Variants in IGSF21 observed in about 807,000 individuals in gnomAD.
IGSF21 encodes the protein immunoglobulin superfamily member 21.
IGSF21 carries 28 observed loss-of-function variants against 46.8 expected under a neutral mutation model. The observed-to-expected ratio is 0.60, with a 90% CI of 0.44 to 0.82. The LOEUF (loss-of-function observed/expected upper bound fraction) is 0.82, where lower values mean the gene tolerates loss of function less well. Among genes scored for constraint, IGSF21 ranks in the 40% least tolerant of loss-of-function variants. The probability of loss-of-function intolerance (pLI) is 0.00; values close to 1 mark genes in which losing one functional copy is unlikely to be tolerated. For synonymous variants in IGSF21, 284 were observed against 273.6 expected (o/e 1.04, Z -0.38); for missense variants, 624 against 665.5 (o/e 0.94, Z 0.69).
At chr1:18,368,048 G>A (rs2086185646) in intron 6 of IGSF21, among the ~76,000 whole-genome samples, 1 of 152,082 alleles carries the variant, frequency 6.6e-6, no homozygotes, top group Non-Finnish European at 1.5e-5. Context: ...CCATGTCACA[G>A]AGGAGGAAGC....
At chr1:18,241,686 A>G (rs538816374) in intron 2 of IGSF21, among the ~76,000 whole-genome samples, 4 of 151,940 alleles carry the variant, frequency 2.6e-5, no homozygotes, top group South Asian at 4.2e-4. Context: ...CCTTCCTCCC[A>G]TCTCCCTCAT....
chr1:18,162,209 C>CATTTTTT (rs1256285441), intron 1 of IGSF21, among the ~76,000 whole-genome samples: 1 of 152,042 alleles, frequency 6.6e-6, no homozygotes, highest in Non-Finnish European at 1.5e-5. Context: ...CCACATGTGC[C>CATTTTTT]TGTATTTTTG....
intron 1 of IGSF21, among the ~76,000 whole-genome samples, chr1:18,211,587 C>T (rs1050371227): frequency 1.3e-5 from 2 of 152,164 alleles, no homozygotes; most frequent in African/African-American, 2.4e-5. Context: ...CTGAGCCCAG[C>T]AATTAATTCG....
chr1:18,246,654 A>G (rs1475725973), intron 2 of IGSF21, among the ~76,000 whole-genome samples: 2 of 152,110 alleles, frequency 1.3e-5, no homozygotes, highest in Non-Finnish European at 2.9e-5. Context: ...TCCAAACTCC[A>G]TGCTTGGGAC....
intron 2 of IGSF21, among the ~76,000 whole-genome samples, chr1:18,247,211 C>G (rs1324554270): frequency 1.3e-5 from 2 of 152,104 alleles, no homozygotes; most frequent in Non-Finnish European, 2.9e-5. Context: ...GGGATGTGAA[C>G]CTTCCACTTC....
intron 1 of IGSF21, among the ~76,000 whole-genome samples, chr1:18,208,936 A>G (rs1353872668): frequency 6.6e-6 from 1 of 152,174 alleles, no homozygotes; most frequent in Admixed American, 6.5e-5. Context: ...ATACTGCAGG[A>G]TTCCAGGTAT....
In IGSF21 at chr1:18,222,254, G is replaced by A. The variant is rs147026190; in HGVS notation, c.71-5644G>A. On this transcript the variant is annotated intron_variant, in intron 1 of 9. Transcript: ENST00000251296. Reference sequence around the variant, plus strand: ...TCTCTAGTTTTATGTCCTCTGCCTCGGGGGAGGATCTCACTTTGTGGGTCT... The same window carrying A: ...TCTCTAGTTTTATGTCCTCTGCCTCAGGGGAGGATCTCACTTTGTGGGTCT... Among the ~76,000 whole-genome samples, 179 of 152,232 alleles carry A rather than the reference G, an allele frequency of 1.2e-3. 1 individual carries two copies. Among genetic ancestry groups the A allele is most frequent in the African/African-American group, 4.1e-3 (172 of 41,530 alleles).
intron 1 of IGSF21, among the ~76,000 whole-genome samples, chr1:18,148,148 T>TTTTGG (rs2086487593): frequency 6.7e-6 from 1 of 148,672 alleles, no homozygotes; most frequent in Non-Finnish European, 1.5e-5. Context: ...TTTTTTTTTT[T>TTTTGG]GAGATGGAGT....
intron 1 of IGSF21, among the ~76,000 whole-genome samples, chr1:18,127,882 C>T (rs964132551): frequency 6.6e-6 from 1 of 152,096 alleles, no homozygotes; most frequent in African/African-American, 2.4e-5. Flanking sequence ...GCACTCCAGC[C>T]TGGGTGACGT....
rs147482777 is a variant in IGSF21, at chr1:18,178,200, G to A, written c.71-49698G>A. On this transcript the variant is annotated intron_variant, in intron 1 of 9. Coordinates refer to ENST00000251296, the MANE Select transcript of IGSF21 (RefSeq NM_032880.5). ...CTCCATCGTGTCCTGTTGACCTGCCGCAGGCCAGCCCCAAAATGCATACAG... is the reference window on the plus strand; with the variant it reads ...CTCCATCGTGTCCTGTTGACCTGCCACAGGCCAGCCCCAAAATGCATACAG... Among the ~76,000 whole-genome samples the A allele has an allele frequency of 5.0e-4, 76 of 152,258 alleles. No individual in the cohort carries two copies. The East Asian group carries it at 0.011, about 23-fold the overall frequency.
intron 2 of IGSF21, among the ~76,000 whole-genome samples, chr1:18,264,001 A>C (rs1049855843): frequency 6.6e-6 from 1 of 152,256 alleles, no homozygotes; most frequent in Non-Finnish European, 1.5e-5. Context: ...TTCCCTGGAA[A>C]GTGACAGATA....
chr1:18,251,676 G>C (rs2084843368), intron 2 of IGSF21, among the ~76,000 whole-genome samples: 1 of 152,166 alleles, frequency 6.6e-6, no homozygotes, highest in South Asian at 2.1e-4. Context: ...CCCAGGAAGA[G>C]GATAATGAAA....
chr1:18,126,448 G>C (rs2086275127), intron 1 of IGSF21, among the ~76,000 whole-genome samples: 1 of 152,214 alleles, frequency 6.6e-6, no homozygotes, highest in South Asian at 2.1e-4. Flanking sequence ...CAGGTCATCA[G>C]CAGGAGGGGG....
At chr1:18,208,648 C>T (rs993127641) in intron 1 of IGSF21, among the ~76,000 whole-genome samples, 18 of 149,664 alleles carry the variant, frequency 1.2e-4, no homozygotes, top group African/African-American at 2.2e-4. Flanking sequence ...CCGCCCGCCT[C>T]GGCCTCCCAA....
intron 3 of IGSF21, among the ~76,000 whole-genome samples, chr1:18,300,663 G>A (rs1237208512): frequency 6.6e-6 from 1 of 152,208 alleles, no homozygotes; most frequent in Non-Finnish European, 1.5e-5. Context: ...CAGGAAGTGA[G>A]GCCTTGCCTG....
chr1:18,268,313 G>C (rs937651174), intron 2 of IGSF21, among the ~76,000 whole-genome samples: 1 of 152,222 alleles, frequency 6.6e-6, no homozygotes, highest in Non-Finnish European at 1.5e-5. Context: ...TGACCCACAG[G>C]GCAGGGCTCT....
intron 1 of IGSF21, among the ~76,000 whole-genome samples, chr1:18,173,506 C>A (rs2086762866): frequency 6.6e-6 from 1 of 152,176 alleles, no homozygotes; most frequent in Non-Finnish European, 1.5e-5. Context: ...GCCCAGGCAA[C>A]CACCCACCTG....
intron 4 of IGSF21, among the ~76,000 whole-genome samples, chr1:18,341,005 C>CTTCT (rs1557651741): frequency 8.1e-5 from 9 of 111,542 alleles, no homozygotes; most frequent in African/African-American, 1.1e-4. Context: ...TCCTCCTCCT[C>CTTCT]CTTCTTCTCT....
At chr1:18,157,594 C>A (rs1042795493) in intron 1 of IGSF21, among the ~76,000 whole-genome samples, 1 of 152,212 alleles carries the variant, frequency 6.6e-6, no homozygotes, top group Non-Finnish European at 1.5e-5. Context: ...CTTTCTGCCT[C>A]CCAGCCCGGT....
Sources: allele counts gnomAD v4.1 joint callset (sites outside exome capture counted in the v4.1 genomes callset), GRCh38; gene constraint gnomAD v4.1.1; transcripts MANE v1.5; gene names NCBI Gene and HGNC (gene_info 2026-07-23, HGNC 2026-07-21).